The following SFMBT1 variants were observed in gnomAD, a reference collection of about 807,000 sequenced individuals.
The protein encoded by SFMBT1 is scm-like with four MBT domains protein 1.
In SFMBT1, 32 loss-of-function variants were observed where a neutral mutation model predicts 108.7. The ratio of observed to expected loss-of-function variants is 0.29; its 90% CI spans 0.22 to 0.40. SFMBT1 has a LOEUF of 0.40. Ranked by LOEUF, SFMBT1 falls within the 10% of genes least tolerant of loss-of-function variation. SFMBT1 has a pLI of 1.00. For missense variants in SFMBT1, 816 were observed against 1,059.6 expected (o/e 0.77, Z 3.19); for synonymous variants, 348 against 369.5 (o/e 0.94, Z 0.67).
chr3:53,038,518 G>GCCCAC (rs1699936103), intron 1 of SFMBT1, among the ~76,000 whole-genome samples: 1 of 152,078 alleles, frequency 6.6e-6, no homozygotes, highest in African/African-American at 2.4e-5. Flanking sequence ...ACAGTATTAG[G>GCCCAC]AAACTCATCC....
chr3:52,946,318 A>C (rs562912570), intron 3 of SFMBT1, among the ~76,000 whole-genome samples: 21 of 152,388 alleles, frequency 1.4e-4, no homozygotes, highest in African/African-American at 5.0e-4. Flanking sequence ...CCAGAGAGGG[A>C]AAGTCCCACA....
intron 1 of SFMBT1, among the ~76,000 whole-genome samples, chr3:53,034,351 C>A (rs1699796114): frequency 6.6e-6 from 1 of 152,098 alleles, no homozygotes; most frequent in Admixed American, 6.5e-5. Flanking sequence ...CCCAGGCGGG[C>A]AGATCACTTG....
intron 1 of SFMBT1, among the ~76,000 whole-genome samples, chr3:52,983,045 C>T (rs903130222): frequency 6.6e-6 from 1 of 152,272 alleles, no homozygotes. Context: ...AAAAAGCAAA[C>T]ATTCAGACAG....
intron 10 of SFMBT1, 40 bp downstream of exon 10, chr3:52,925,991 A>C (rs770508996): frequency 7.0e-7 from 1 of 1,418,514 alleles, no homozygotes; most frequent in Non-Finnish European, 9.2e-7. Context: ...CAGTCCCTGC[A>C]GCCCTGCCAT....
intron 3 of SFMBT1, among the ~76,000 whole-genome samples, chr3:52,948,025 G>A (rs58888768): frequency 0.03 from 4,639 of 152,266 alleles, 274 homozygotes; most frequent in African/African-American, 0.1. Flanking sequence ...GTGAGACACC[G>A]CACCCAGCTG....
At chr3:53,036,441 C>T (rs565381486) in intron 1 of SFMBT1, among the ~76,000 whole-genome samples, 26 of 152,372 alleles carry the variant, frequency 1.7e-4, no homozygotes, top group Admixed American at 1.1e-3. Flanking sequence ...AATAAGACCT[C>T]AAGTCCCACA....
intron 1 of SFMBT1, among the ~76,000 whole-genome samples, chr3:53,041,860 A>G (rs1356182805): frequency 1.3e-5 from 2 of 152,138 alleles, no homozygotes; most frequent in Admixed American, 1.3e-4. Flanking sequence ...CCCATTTAAT[A>G]ACTATGTATA....
At chr3:53,029,344 A>G (rs2581806) in intron 1 of SFMBT1, among the ~76,000 whole-genome samples, 42,002 of 152,062 alleles carry the variant, frequency 0.28, 6,496 homozygotes, top group East Asian at 0.49. Flanking sequence ...GGTATTCTGA[A>G]GTTCTTTTAA....
intron 1 of SFMBT1, among the ~76,000 whole-genome samples, chr3:53,028,821 A>G (rs1575448506): frequency 6.6e-6 from 1 of 152,308 alleles, no homozygotes. Context: ...GTACTCTCAG[A>G]GGGGACCTGC....
At chr3:53,001,925 T>TCTCTCACACACACACACACA (rs1448849638) in intron 1 of SFMBT1, among the ~76,000 whole-genome samples, 4 of 129,132 alleles carry the variant, frequency 3.1e-5, no homozygotes, top group Admixed American at 1.7e-4. Flanking sequence ...ACCCAGTCTC[T>TCTCTCACACACACACACACA]CACACACACA....
intron 1 of SFMBT1, among the ~76,000 whole-genome samples, chr3:53,020,668 A>G (rs1699275136): frequency 6.6e-6 from 1 of 152,234 alleles, no homozygotes; most frequent in Non-Finnish European, 1.5e-5. Context: ...GGATGGAAGA[A>G]GGAGGGAGAA....
intron 1 of SFMBT1, among the ~76,000 whole-genome samples, chr3:53,044,735 TCAAA>T (rs1700159826): frequency 6.6e-6 from 1 of 152,222 alleles, no homozygotes; most frequent in Admixed American, 6.5e-5. Flanking sequence ...TACTTGGTTC[TCAAA>T]CACAGATCAC....
intron 1 of SFMBT1, among the ~76,000 whole-genome samples, chr3:53,000,684 G>A (rs1698516511): frequency 6.7e-6 from 1 of 150,138 alleles, no homozygotes; most frequent in South Asian, 2.1e-4. Context: ...ATTAGTACAG[G>A]TTTGTTGGAA....
chr3:52,961,434 C>T (rs756214538), intron 2 of SFMBT1, among the ~76,000 whole-genome samples: 4 of 151,930 alleles, frequency 2.6e-5, no homozygotes, highest in Admixed American at 6.6e-5. Context: ...GGCCTGTAAT[C>T]CCAGCTACTC....
intron 3 of SFMBT1, among the ~76,000 whole-genome samples, chr3:52,948,665 T>C (rs1703461310): frequency 6.6e-6 from 1 of 150,526 alleles, no homozygotes; most frequent in South Asian, 2.1e-4. Context: ...ATTATTATTT[T>C]TGGAGACCGA....
chr3:52,976,942 A>G (rs940004448), intron 1 of SFMBT1, among the ~76,000 whole-genome samples: 3 of 152,216 alleles, frequency 2.0e-5, no homozygotes, highest in Non-Finnish European at 4.4e-5. Context: ...CAGAAATGGA[A>G]GCCGTCATTA....
intron 12 of SFMBT1, among the ~76,000 whole-genome samples, chr3:52,919,585 G>A (rs1702458166): frequency 6.6e-6 from 1 of 152,160 alleles, no homozygotes; most frequent in African/African-American, 2.4e-5. Flanking sequence ...GGTGATAGCT[G>A]GTACGTCAAT....
intron 8 of SFMBT1, among the ~76,000 whole-genome samples, chr3:52,928,722 G>T (rs1326407941): frequency 6.7e-6 from 1 of 149,148 alleles, no homozygotes; most frequent in Non-Finnish European, 1.5e-5. Context: ...TGGAGACAGG[G>T]TCTTGCTCTC....
At chr3:52,931,127 C>T in intron 6 of SFMBT1, 92 bp from the exon 7 acceptor site, 2 of 1,155,556 alleles carry the variant, frequency 1.7e-6, no homozygotes, top group African/African-American at 1.5e-5. Flanking sequence ...AAACAAGTCA[C>T]TTTCCACTGG....
Sources: allele counts gnomAD v4.1 joint callset (sites outside exome capture counted in the v4.1 genomes callset), GRCh38; gene constraint gnomAD v4.1.1; transcripts MANE v1.5; gene names NCBI Gene and HGNC (gene_info 2026-07-23, HGNC 2026-07-21).